GPHN: variants seen among roughly 807,000 people sequenced by gnomAD.
GPHN encodes the protein gephyrin.
In GPHN, 17 loss-of-function variants were observed where a neutral mutation model predicts 95.5. The ratio of observed to expected loss-of-function variants is 0.18; its 90% CI spans 0.12 to 0.27. GPHN has a LOEUF of 0.27. Among genes scored for constraint, GPHN ranks in the 10% least tolerant of loss-of-function variants. GPHN has a pLI of 1.00. For missense variants in GPHN, 660 were observed against 978.1 expected, an observed-to-expected ratio of 0.67 and a Z score of 4.34; for synonymous variants, 320 against 322.5, an observed-to-expected ratio of 0.99 and a Z score of 0.08.
chr14:67,527,465 T>C, the GPHN span, among the ~76,000 whole-genome samples: 1 of 152,248 alleles, frequency 6.6e-6, no homozygotes, highest in South Asian at 2.1e-4. Context: ...CCTCCTAAAA[T>C]GTTTAGTGGG....
In GPHN at chr14:66,932,444, G is replaced by GTTTTTTT. The variant is rs35159325; in HGVS notation, c.828+8182_828+8188dup. Among the ~76,000 whole-genome samples, 97 of 24,392 alleles carry GTTTTTTT rather than the reference G, an allele frequency of 4.0e-3. 29 individuals carry two copies. The highest frequency in any genetic ancestry group is 7.3e-3 in the South Asian group (3 of 412). The allele number at this position is 24,392 out of a possible 152,430, so 16.0% of individuals were successfully genotyped here. ...AGGTGGGGAATCCTGCCAAGACCAG[G>GTTTTTTT]TTTTTTTTTTTTTTTTTTTTTTTTT... is the stretch of plus-strand genomic sequence containing the variant. On this transcript the variant is annotated intron_variant, in intron 8 of 22. Transcript: ENST00000478722.
intron 10 of GPHN, among the ~76,000 whole-genome samples, chr14:67,053,175 G>T (rs8005772): frequency 0.39 from 36,469 of 93,654 alleles, 5,649 homozygotes; most frequent in African/African-American, 0.55. Flanking sequence ...GAGCTGGTTT[G>T]TTTTTTTTTT....
chr14:67,662,495 T>A, the GPHN span: 1 of 1,612,466 alleles, frequency 6.2e-7, no homozygotes, highest in East Asian at 2.2e-5. Context: ...TTGCTTCCTG[T>A]TGCTTTTCAT....
chr14:66,578,945 ATGG>A (rs1410778989), intron 1 of GPHN, among the ~76,000 whole-genome samples: 1 of 151,876 alleles, frequency 6.6e-6, no homozygotes, highest in African/African-American at 2.4e-5. Context: ...TAAAGCTACA[ATGG>A]TGGTGTGTAA....
chr14:67,338,050 A>C, the GPHN span: 4 of 152,298 alleles, frequency 2.6e-5, no homozygotes, highest in Non-Finnish European at 5.9e-5. Flanking sequence ...CTTAACAGTA[A>C]ATTAATAAAA....
At chr14:67,465,349 C>T in the GPHN span, among the ~76,000 whole-genome samples, 1 of 128,718 alleles carries the variant, frequency 7.8e-6, no homozygotes. Flanking sequence ...GCAGGGAGAA[C>T]TACAAGTCAG....
At chr14:67,466,869 C>T in the GPHN span, among the ~76,000 whole-genome samples, 1 of 151,982 alleles carries the variant, frequency 6.6e-6, no homozygotes, top group South Asian at 2.1e-4. Flanking sequence ...GTGGCACGGG[C>T]CTGTAATCCC....
chr14:67,021,868 C>G (rs563249413), intron 9 of GPHN, among the ~76,000 whole-genome samples: 75 of 152,096 alleles, frequency 4.9e-4, no homozygotes, highest in Non-Finnish European at 1.0e-3. Context: ...TTGCTTTGCG[C>G]TATGGGTTTG....
At chr14:67,034,686 T>A (rs2074336080) in intron 10 of GPHN, among the ~76,000 whole-genome samples, 3 of 152,140 alleles carry the variant, frequency 2.0e-5, no homozygotes, top group Admixed American at 2.0e-4. Flanking sequence ...TTAAAAGCTG[T>A]CACAAGAGAC....
chr14:66,924,696 T>G (rs1378086124), intron 8 of GPHN, among the ~76,000 whole-genome samples: 1 of 152,196 alleles, frequency 6.6e-6, no homozygotes, highest in Non-Finnish European at 1.5e-5. Context: ...TGATTTGTAT[T>G]AACCTTCCTG....
the GPHN span, chr14:67,692,898 C>A: frequency 1.5e-6 from 2 of 1,347,870 alleles, no homozygotes; most frequent in Non-Finnish European, 2.1e-6. Flanking sequence ...GGTAAAACAG[C>A]AGTAATAGGA....
At chr14:66,917,448 A>G (rs994219914) in intron 6 of GPHN, among the ~76,000 whole-genome samples, 4 of 152,174 alleles carry the variant, frequency 2.6e-5, no homozygotes, top group African/African-American at 7.2e-5. Context: ...GGAGATACCA[A>G]TGCAGTATTA....
At chr14:66,789,598 A>C (rs2059902316) in intron 3 of GPHN, among the ~76,000 whole-genome samples, 1 of 152,228 alleles carries the variant, frequency 6.6e-6, no homozygotes, top group Admixed American at 6.5e-5. Context: ...GGAAGGCAAA[A>C]ACAGGTCCCC....
chr14:67,257,059 C>T, the GPHN span, among the ~76,000 whole-genome samples: 34 of 151,942 alleles, frequency 2.2e-4, no homozygotes, highest in Non-Finnish European at 4.1e-4. Context: ...TCAATATGTA[C>T]GTTGGTTTGA....
chr14:66,764,343 G>A (rs2058879227), intron 2 of GPHN, among the ~76,000 whole-genome samples: 1 of 152,082 alleles, frequency 6.6e-6, no homozygotes, highest in African/African-American at 2.4e-5. Context: ...AAGGTGTTCT[G>A]AAACCAGTCC....
At chr14:67,727,492 T>G in the GPHN span, 1,137 of 357,034 alleles carry the variant, frequency 3.2e-3, 10 homozygotes, top group East Asian at 0.019. Flanking sequence ...TTTGTTTTTT[T>G]TTTTTTGAGA....
chr14:67,222,604 T>C, the GPHN span, among the ~76,000 whole-genome samples: 1 of 152,142 alleles, frequency 6.6e-6, no homozygotes, highest in African/African-American at 2.4e-5. Flanking sequence ...TATTTGGCAG[T>C]GGGGAGTGAT....
chr14:66,923,391 C>G (rs142278422), intron 7 of GPHN, among the ~76,000 whole-genome samples: 2 of 151,770 alleles, frequency 1.3e-5, no homozygotes, highest in Admixed American at 6.6e-5. Flanking sequence ...AGCTTTTCAG[C>G]GATTGTTGAA....
At chr14:67,109,234 T>C (rs931694670) in intron 13 of GPHN, among the ~76,000 whole-genome samples, 5 of 152,222 alleles carry the variant, frequency 3.3e-5, no homozygotes, top group Non-Finnish European at 5.9e-5. Flanking sequence ...ACTATACTTA[T>C]GAGGCAGACA....
Sources: gnomAD v4.1 joint callset for allele counts (sites outside exome capture counted in the v4.1 genomes callset) on GRCh38, gnomAD v4.1.1 for gene constraint, MANE v1.5 for transcripts, NCBI Gene and HGNC (gene_info 2026-07-23, HGNC 2026-07-21) for gene names.